The following UPK3A variants were observed in gnomAD, a reference collection of about 807,000 sequenced individuals.
UPK3A encodes uroplakin 3A, also known as uroplakin-3a.
UPK3A carries 32 observed loss-of-function variants against 27.6 expected under a neutral mutation model. The observed-to-expected ratio is 1.16, with a 90% CI of 0.87 to 1.55. The LOEUF (loss-of-function observed/expected upper bound fraction) is 1.55. Ranked by LOEUF, UPK3A falls within the 40% of genes most tolerant of loss-of-function variation. The pLI, the probability that UPK3A is intolerant of heterozygous loss-of-function variation, is 0.00. For synonymous variants in UPK3A, 171 were observed against 163.9 expected (o/e 1.04, Z -0.33); for missense variants, 370 against 367.9 (o/e 1.01, Z -0.05).
chr22:45,285,095 G>A, intron 1 of UPK3A, 30 bp downstream of exon 1: 1 of 1,531,518 alleles, frequency 6.5e-7, no homozygotes, highest in Non-Finnish European at 8.7e-7. Flanking sequence ...AGGGGGCTGA[G>A]CCCAGAAAGA....
chr22:45,291,168 T>C (rs1435201212), intron 4 of UPK3A, among the ~76,000 whole-genome samples: 1 of 152,122 alleles, frequency 6.6e-6, no homozygotes, highest in Non-Finnish European at 1.5e-5. Context: ...TGGGGACTGC[T>C]GGTATATGTG....
In UPK3A at chr22:45,289,157, AGTG is replaced by A. The variant is rs1449664405; in HGVS notation, c.571+24_571+26del. ...GCACCAACCAGCGTAAGTGGTGGGCAGTGGTGGTGGTGATGCTCAAGGGGACCC... is the reference window on the plus strand; with the variant it reads ...GCACCAACCAGCGTAAGTGGTGGGCAGTGGTGGTGATGCTCAAGGGGACCC... On this transcript the variant is annotated intron_variant, in intron 4 of 5. Transcript: ENST00000216211. 2 of 1,611,218 alleles carry A rather than the reference AGTG, an allele frequency of 1.2e-6. No homozygotes were observed. The highest frequency in any genetic ancestry group is 2.7e-5 in the African/African-American group (2 of 74,852).
At chr22:45,293,610 G>C (rs981033131) in intron 5 of UPK3A, among the ~76,000 whole-genome samples, 5 of 152,280 alleles carry the variant, frequency 3.3e-5, no homozygotes, top group Non-Finnish European at 5.9e-5. Context: ...GCAACCTTAG[G>C]TATGGCTTGC....
rs561573702 is a variant in UPK3A at position 45,288,486 on chromosome 22, C to T, written c.489-575C>T. On this transcript the variant is annotated intron_variant, in intron 3 of 5. Coordinates refer to ENST00000216211, the MANE Select transcript of UPK3A (RefSeq NM_006953.4). ...GTGCTGGGATTACAGGCGTCAGGCA[C>T]TGCGCCCGGCCCATTTTTGTATTTT... is the stretch of plus-strand genomic sequence containing the variant. 1.2e-4 allele frequency among the ~76,000 whole-genome samples: 18 copies of T among 152,350 alleles called. No individual in the cohort carries two copies. The South Asian group carries it at 2.5e-3, about 21-fold the overall frequency.
At chr22:45,285,257 C>T (rs370514135) in intron 1 of UPK3A, among the ~76,000 whole-genome samples, 192 bp downstream of exon 1, 4 of 152,200 alleles carry the variant, frequency 2.6e-5, no homozygotes, top group Non-Finnish European at 5.9e-5. Flanking sequence ...TGCAGCCCTG[C>T]GATGTGTGTT....
chr22:45,288,316 C>T (rs2084134032), intron 3 of UPK3A, among the ~76,000 whole-genome samples: 1 of 152,162 alleles, frequency 6.6e-6, no homozygotes, highest in Non-Finnish European at 1.5e-5. Context: ...CTGCCTCAGC[C>T]TCCTGAGTAG....
intron 3 of UPK3A, among the ~76,000 whole-genome samples, chr22:45,288,413 T>A (rs1026395963): frequency 6.6e-6 from 1 of 152,168 alleles, no homozygotes; most frequent in Admixed American, 6.5e-5. Context: ...TCAGCCAGAA[T>A]GGTCTCGATC....
At chr22:45,290,527 C>T (rs923408981) in intron 4 of UPK3A, among the ~76,000 whole-genome samples, 4 of 151,780 alleles carry the variant, frequency 2.6e-5, no homozygotes, top group African/African-American at 4.8e-5. Context: ...ATGTAGTTTA[C>T]GGTGTTGCGT....
intron 4 of UPK3A, among the ~76,000 whole-genome samples, chr22:45,291,568 G>A (rs557887627): frequency 1.4e-4 from 21 of 150,490 alleles, no homozygotes; most frequent in South Asian, 2.1e-4. Flanking sequence ...GTGTGTGTGC[G>A]TGTGTAAGAG....
rs1374832996 is a variant in UPK3A, at chr22:45,286,089, C to G, written c.201C>G (p.Val67=). 6.2e-7 allele frequency: 1 copy of G among 1,613,940 alleles called. No individual in the cohort carries two copies. The highest frequency in any genetic ancestry group is 8.5e-7 in the Non-Finnish European group (1 of 1,180,002). The change falls in exon 2 of 6, where the codon GTC becomes GTG. Residue 67 remains valine (V), a synonymous_variant. Transcript: ENST00000216211. ...GTHEVYLYVL[V]DSAISRNASV... ...ACGAGGTCTACCTGTATGTCCTGGT[C>G]GACTCAGGTAAGGGTCCTGCTTCCC... is the stretch of plus-strand genomic sequence containing the variant.
At chr22:45,294,270 A>C (rs2084180708) in intron 5 of UPK3A, among the ~76,000 whole-genome samples, 8 of 152,018 alleles carry the variant, frequency 5.3e-5, no homozygotes, top group Admixed American at 5.2e-4. Flanking sequence ...AGTTAAGTGG[A>C]TCCATGGAAA....
intron 3 of UPK3A, among the ~76,000 whole-genome samples, chr22:45,287,798 G>A (rs980845885): frequency 2.0e-5 from 3 of 152,116 alleles, no homozygotes; most frequent in African/African-American, 4.8e-5. Flanking sequence ...GAGTAGCTGA[G>A]ATTACAGGTG....
intron 4 of UPK3A, 134 bp from the exon 5 acceptor site, chr22:45,293,047 A>T: frequency 7.7e-7 from 1 of 1,294,858 alleles, no homozygotes; most frequent in Non-Finnish European, 1.1e-6. Flanking sequence ...AACCTGAGAG[A>T]AGTCGCCCCA....
At chr22:45,294,780 G>A (rs1601851296) in intron 5 of UPK3A, among the ~76,000 whole-genome samples, 1 of 151,652 alleles carries the variant, frequency 6.6e-6, no homozygotes, top group Admixed American at 6.6e-5. Context: ...ACTAAACTGC[G>A]ATCTGTACCA....
rs750680886 is a variant in UPK3A at position 45,286,030 on chromosome 22, A to G, written c.142A>G (p.Met48Val). Reference sequence around the variant, plus strand: ...TGTGGCCTTGGAAAAGCCTCTCTGCATGTTTGACAGCAAAGAGGCCCTCAC... The same window carrying G: ...TGTGGCCTTGGAAAAGCCTCTCTGCGTGTTTGACAGCAAAGAGGCCCTCAC... ...TTVALEKPLC[M>V]FDSKEALTGT... The change falls in exon 2 of 6, where the codon ATG becomes GTG. Residue 48 changes from methionine (M) to valine (V), a missense_variant. Coordinates refer to ENST00000216211, the MANE Select transcript of UPK3A (RefSeq NM_006953.4). 9 of 1,614,156 alleles carry G rather than the reference A, an allele frequency of 5.6e-6. No homozygotes were observed. The highest frequency in any genetic ancestry group is 3.3e-5 in the South Asian group (3 of 91,082).
rs1569106652 is a variant in UPK3A at position 45,293,292 on chromosome 22, G to T, written c.683G>T (p.Gly228Val). 1 of 1,614,024 alleles carries T rather than the reference G, an allele frequency of 6.2e-7. No homozygotes were observed. The highest frequency in any genetic ancestry group is 1.1e-5 in the South Asian group (1 of 91,072). Reference protein sequence around the residue: ...LPFFLLVGFAGAIALSLVDMG... With the variant: ...LPFFLLVGFAVAIALSLVDMG... Reference sequence around the variant, plus strand: ...TTCTTTCTACTTGTGGGTTTTGCTGGCGCCATTGCCCTCAGCCTCGTGTAA... The same window carrying T: ...TTCTTTCTACTTGTGGGTTTTGCTGTCGCCATTGCCCTCAGCCTCGTGTAA... Residue 228 changes from glycine to valine, a missense_variant, in exon 5 of 6, where the codon GGC becomes GTC. Transcript: ENST00000216211.
At chr22:45,286,185 C>T (rs2084117029) in intron 2 of UPK3A, 89 bp downstream of exon 2, 2 of 1,539,724 alleles carry the variant, frequency 1.3e-6, no homozygotes, top group Non-Finnish European at 1.8e-6. Flanking sequence ...AGGAACCCTC[C>T]ATGCCTGTAG....
intron 4 of UPK3A, among the ~76,000 whole-genome samples, chr22:45,290,970 C>G (rs1240028199): frequency 6.6e-6 from 1 of 152,270 alleles, no homozygotes; most frequent in South Asian, 2.1e-4. Flanking sequence ...AAGCTCAGGG[C>G]TCCCACTGAT....
intron 2 of UPK3A, among the ~76,000 whole-genome samples, chr22:45,286,649 T>G (rs2084120184): frequency 6.6e-6 from 1 of 152,186 alleles, no homozygotes; most frequent in African/African-American, 2.4e-5. Flanking sequence ...TTACAACAGC[T>G]CATTCGGGAC....
Sources: gnomAD v4.1 joint callset for allele counts (sites outside exome capture counted in the v4.1 genomes callset) on GRCh38, gnomAD v4.1.1 for gene constraint, MANE v1.5 for transcripts, NCBI Gene and HGNC (gene_info 2026-07-23, HGNC 2026-07-21) for gene names.